The following ZNF727 variants were observed in gnomAD, a reference collection of about 807,000 sequenced individuals.
ZNF727 encodes the protein putative zinc finger protein 727.
Under a neutral mutation model 11.5 loss-of-function variants are expected in ZNF727, and 11 were observed. The ratio of observed to expected loss-of-function variants is 0.95; its 90% CI spans 0.60 to 1.58. The LOEUF is 1.58. Ranked by LOEUF, ZNF727 falls within the 40% of genes most tolerant of loss-of-function variation. The pLI, the probability that ZNF727 is intolerant of heterozygous loss-of-function variation, is 0.00. For missense variants in ZNF727, 533 were observed against 581.7 expected, an observed-to-expected ratio of 0.92 and a Z score of 0.86; for synonymous variants, 171 against 196.1, an observed-to-expected ratio of 0.87 and a Z score of 1.07.
Position 64,082,413 on chromosome 7 carries a change from AGT to A in ZNF727, c.*3866_*3867del, listed in dbSNP as rs1355334956. Among the ~76,000 whole-genome samples the A allele has an allele frequency of 6.6e-6, 1 of 152,228 alleles. No homozygotes were observed. Among genetic ancestry groups the A allele is most frequent in the Non-Finnish European group, 1.5e-5 (1 of 68,046 alleles). On this transcript the variant is annotated 3_prime_UTR_variant, in exon 4 of 4. Coordinates refer to ENST00000456806, the MANE Select transcript of ZNF727 (RefSeq NM_001159522.3). ...TCCAGTACCTGACAACATTATCACC[AGT>A]GAATACTGTAAAACAGCAACAATGG...
chr7:64,051,550 A>G (rs1306322538), intron 1 of ZNF727, among the ~76,000 whole-genome samples: 1 of 152,140 alleles, frequency 6.6e-6, no homozygotes, highest in African/African-American at 2.4e-5. Flanking sequence ...AAACAAATAC[A>G]TTATTAATTA....
intron 1 of ZNF727, among the ~76,000 whole-genome samples, chr7:64,050,081 A>G (rs1351305569): frequency 2.0e-5 from 3 of 152,008 alleles, no homozygotes; most frequent in South Asian, 4.1e-4. Flanking sequence ...CTATATATAT[A>G]TATTTCGCTG....
intron 3 of ZNF727, among the ~76,000 whole-genome samples, chr7:64,074,169 T>A (rs541724362): frequency 6.6e-6 from 1 of 152,104 alleles, no homozygotes. Context: ...CTCAGAATGA[T>A]TTGGTAGATA....
At chr7:64,055,332 C>A (rs186098040) in intron 1 of ZNF727, among the ~76,000 whole-genome samples, 1 of 151,964 alleles carries the variant, frequency 6.6e-6, no homozygotes, top group East Asian at 1.9e-4. Flanking sequence ...GCAGGAGAAT[C>A]ACTTGAACCC....
At position 64,081,432 on chromosome 7, in the gene ZNF727, G is replaced by T. The variant is rs1276169710; in HGVS notation, c.*2883G>T. Among the ~76,000 whole-genome samples the T allele has an allele frequency of 6.6e-6, 1 of 152,054 alleles. No individual in the cohort carries two copies. Among genetic ancestry groups the T allele is most frequent in the Non-Finnish European group, 1.5e-5 (1 of 68,008 alleles). On this transcript the variant is annotated 3_prime_UTR_variant, in exon 4 of 4. Coordinates refer to ENST00000456806, the MANE Select transcript of ZNF727 (RefSeq NM_001159522.3). ...GGGGCATACTACATTTCCATTTTCT[G>T]GTGGGGCAAGCAAAGCCAAACTCAC...
chr7:64,057,985 A>G (rs1174631009), intron 1 of ZNF727, among the ~76,000 whole-genome samples: 2 of 152,140 alleles, frequency 1.3e-5, no homozygotes, highest in African/African-American at 4.8e-5. Context: ...CAAAGCTGGG[A>G]TAAAAGCATC....
Position 64,078,120 on chromosome 7 carries a change from C to T in ZNF727, c.1071C>T (p.Ser357=). 2.5e-6 allele frequency: 4 copies of T among 1,601,906 alleles called. No homozygotes were observed. Among genetic ancestry groups the T allele is most frequent in the Non-Finnish European group, 3.4e-6 (4 of 1,174,382 alleles). ...TTACCTACTCCTCAACCCTTATTAG[C>T]CACAAGAGAATTCATATGGAATTGA... ...KAFTYSSTLI[S]HKRIHMELRP... is the part of the protein sequence containing the mutation. Residue 357 remains serine, a synonymous_variant, in exon 4 of 4, where the codon AGC becomes AGT. Transcript: ENST00000456806.
At chr7:64,064,493 TCTCTCCC>T (rs1279968689) in intron 1 of ZNF727, among the ~76,000 whole-genome samples, 3 of 152,102 alleles carry the variant, frequency 2.0e-5, no homozygotes, top group African/African-American at 7.2e-5. Context: ...TCTTTACTCT[TCTCTCCC>T]CTTTCCTCAA....
At chr7:64,054,362 C>T (rs1381155026) in intron 1 of ZNF727, among the ~76,000 whole-genome samples, 1 of 152,226 alleles carries the variant, frequency 6.6e-6, no homozygotes, top group Admixed American at 6.5e-5. Flanking sequence ...CGCATCCTCA[C>T]ACTGACACAG....
At chr7:64,073,529 A>T (rs1014372884) in intron 3 of ZNF727, among the ~76,000 whole-genome samples, 4 of 151,838 alleles carry the variant, frequency 2.6e-5, no homozygotes, top group African/African-American at 9.7e-5. Context: ...TAATGCAAAG[A>T]TCTTCTTTTC....
intron 1 of ZNF727, among the ~76,000 whole-genome samples, chr7:64,049,229 A>C (rs1465228223): frequency 1.3e-5 from 2 of 152,086 alleles, no homozygotes; most frequent in Non-Finnish European, 2.9e-5. Flanking sequence ...GATTTCTAGA[A>C]ACATTTTATA....
At chr7:64,077,177 G>A (rs1193981289) in intron 3 of ZNF727, 99 bp from the exon 4 acceptor site, 4 of 1,190,338 alleles carry the variant, frequency 3.4e-6, no homozygotes, top group East Asian at 5.1e-5. Flanking sequence ...ATTTTATTAT[G>A]TCACCTTGTT....
At chr7:64,057,843 T>A (rs530169621) in intron 1 of ZNF727, among the ~76,000 whole-genome samples, 19 of 152,202 alleles carry the variant, frequency 1.2e-4, no homozygotes, top group Non-Finnish European at 2.6e-4. Context: ...GCAGTTATAT[T>A]CTCCTTTATT....
rs1430679489 is a variant in ZNF727, at chr7:64,079,239, A to G, written c.*690A>G. Among the ~76,000 whole-genome samples, 2 of 152,244 alleles carry G rather than the reference A, an allele frequency of 1.3e-5. No homozygotes were observed. The highest frequency in any genetic ancestry group is 2.9e-5 in the Non-Finnish European group (2 of 68,036). ...ACAATTCATAGTAGAGAGAAGCTCC[A>G]CAAGTGTTAAAAATGTGGAAAAGCC... On this transcript the variant is annotated 3_prime_UTR_variant, in exon 4 of 4. Transcript: ENST00000456806.
chr7:64,053,747 A>G (rs1330529611), intron 1 of ZNF727, among the ~76,000 whole-genome samples: 1 of 152,096 alleles, frequency 6.6e-6, no homozygotes, highest in Non-Finnish European at 1.5e-5. Flanking sequence ...CTCCCCAGCC[A>G]TGTGGAACTG....
chr7:64,052,264 C>G (rs1210542434), intron 1 of ZNF727, among the ~76,000 whole-genome samples: 1 of 152,032 alleles, frequency 6.6e-6, no homozygotes, highest in Non-Finnish European at 1.5e-5. Flanking sequence ...TTGGGAAGAC[C>G]CTGTGATACT....
chr7:64,070,742 C>T (rs1789947374), intron 3 of ZNF727, among the ~76,000 whole-genome samples: 1 of 151,986 alleles, frequency 6.6e-6, no homozygotes, highest in Admixed American at 6.6e-5. Context: ...TGTCTTTTCA[C>T]TGAAAATTTG....
chr7:64,069,445 G>T, intron 2 of ZNF727, 69 bp from the exon 3 acceptor site: 1 of 1,245,932 alleles, frequency 8.0e-7, no homozygotes, highest in South Asian at 1.3e-5. Context: ...CTTCTCTACT[G>T]AGCATAGTAC....
chr7:64,078,940 C>T lies in ZNF727; in HGVS notation c.*391C>T, dbSNP rs1202755272. Among the ~76,000 whole-genome samples the T allele has an allele frequency of 6.6e-6, 1 of 152,078 alleles. No homozygotes were observed. Among genetic ancestry groups the T allele is most frequent in the African/African-American group, 2.4e-5 (1 of 41,410 alleles). ...AATGTGGAAAAGGTTTTATGTGGAT[C>T]TCGGCCCTTAGAAAACATAAGAGAA... is the stretch of plus-strand genomic sequence containing the variant. On this transcript the variant is annotated 3_prime_UTR_variant, in exon 4 of 4. Coordinates refer to ENST00000456806, the MANE Select transcript of ZNF727 (RefSeq NM_001159522.3).
Sources: gnomAD v4.1 joint callset for allele counts (sites outside exome capture counted in the v4.1 genomes callset) on GRCh38, gnomAD v4.1.1 for gene constraint, MANE v1.5 for transcripts, NCBI Gene and HGNC (gene_info 2026-07-23, HGNC 2026-07-21) for gene names.